The following TULP4 variants were observed in gnomAD, a reference collection of about 807,000 sequenced individuals.
The protein encoded by TULP4 is tubby-related protein 4.
TULP4 carries 16 observed loss-of-function variants against 129.0 expected under a neutral mutation model. The ratio of observed to expected loss-of-function variants is 0.12; its 90% confidence interval spans 0.08 to 0.19. The LOEUF is 0.19. Ranked by LOEUF, TULP4 falls within the 10% of genes least tolerant of loss-of-function variation. The pLI is 1.00. For missense variants in TULP4, 1,842 were observed against 2,059.1 expected (o/e 0.89, Z 2.04); for synonymous variants, 998 against 854.0 (o/e 1.17, Z -2.94).
chr6:158,352,768 A>G (rs1009810835), intron 1 of TULP4, among the ~76,000 whole-genome samples: 4 of 152,228 alleles, frequency 2.6e-5, no homozygotes, highest in African/African-American at 9.7e-5. Flanking sequence ...CTCCCCATCC[A>G]TTAAAACATT....
intron 8 of TULP4, among the ~76,000 whole-genome samples, chr6:158,488,441 G>T (rs148324520): frequency 6.6e-6 from 1 of 152,250 alleles, no homozygotes; most frequent in Non-Finnish European, 1.5e-5. Flanking sequence ...CTGATTCAGT[G>T]AGTGCTTTAA....
At chr6:158,342,024 T>G (rs1218119975) in intron 1 of TULP4, among the ~76,000 whole-genome samples, 1 of 152,226 alleles carries the variant, frequency 6.6e-6, no homozygotes, top group African/African-American at 2.4e-5. Context: ...GTTTAAGCAA[T>G]TCTCCTGCCT....
chr6:158,504,601 C>G (rs561715643), intron 13 of TULP4, among the ~76,000 whole-genome samples: 4 of 151,720 alleles, frequency 2.6e-5, no homozygotes, highest in African/African-American at 9.7e-5. Context: ...CGTGATCTGC[C>G]CGCCTTGGCC....
chr6:158,443,173 T>C (rs341121), intron 3 of TULP4, among the ~76,000 whole-genome samples: 67,646 of 151,926 alleles, frequency 0.45, 16,342 homozygotes, highest in South Asian at 0.69. Context: ...TAGTAGAGAC[T>C]GGTTTTCACC....
At chr6:158,248,426 C>T (rs376318263) in intron 1 of TULP4, among the ~76,000 whole-genome samples, 19 of 144,830 alleles carry the variant, frequency 1.3e-4, no homozygotes, top group Admixed American at 2.2e-4. Flanking sequence ...CCCGCCACCA[C>T]GCCCGGCTAA....
chr6:158,344,475 A>G (rs1780257788), intron 1 of TULP4, among the ~76,000 whole-genome samples: 2 of 152,120 alleles, frequency 1.3e-5, no homozygotes, highest in Admixed American at 6.5e-5. Context: ...TATTCACTTT[A>G]TATCTCTGTG....
intron 1 of TULP4, among the ~76,000 whole-genome samples, chr6:158,338,683 G>A (rs1780101912): frequency 6.6e-6 from 1 of 152,204 alleles, no homozygotes; most frequent in Non-Finnish European, 1.5e-5. Context: ...AGGCTAGCAG[G>A]TTGGAAGGTA....
At chr6:158,243,213 A>G (rs913307835) in intron 1 of TULP4, among the ~76,000 whole-genome samples, 1 of 152,108 alleles carries the variant, frequency 6.6e-6, no homozygotes, top group Non-Finnish European at 1.5e-5. Context: ...ACGTCCCTCC[A>G]CTTGGATTAT....
At chr6:158,506,497 C>T (rs942160658) in intron 13 of TULP4, 81 bp from the exon 14 acceptor site, 2 of 919,910 alleles carry the variant, frequency 2.2e-6, no homozygotes, top group Admixed American at 3.4e-5. Context: ...TCCCAAAGTG[C>T]TGGGACTACA....
chr6:158,369,871 T>C (rs762455248), intron 1 of TULP4, among the ~76,000 whole-genome samples: 22 of 152,124 alleles, frequency 1.4e-4, no homozygotes, highest in Non-Finnish European at 3.1e-4. Context: ...TTTTGTACCA[T>C]GTACATGAGA....
intron 1 of TULP4, among the ~76,000 whole-genome samples, chr6:158,268,022 C>CTTTTTTTT (rs1334738972): frequency 7.9e-6 from 1 of 126,484 alleles, no homozygotes; most frequent in African/African-American, 2.8e-5. Flanking sequence ...CTTTTCTTTT[C>CTTTTTTTT]TTTTTCTTTT....
intron 1 of TULP4, among the ~76,000 whole-genome samples, chr6:158,389,887 G>GATC (rs1222148085): frequency 6.6e-6 from 1 of 152,118 alleles, no homozygotes; most frequent in Non-Finnish European, 1.5e-5. Context: ...ATGGCGGGTG[G>GATC]ATCACCTGAG....
intron 2 of TULP4, 71 bp from the exon 3 acceptor site, chr6:158,429,665 A>C: frequency 8.2e-5 from 115 of 1,396,122 alleles, no homozygotes; most frequent in Non-Finnish European, 1.0e-4. Flanking sequence ...GTTAATGACT[A>C]TGTCTAGACT....
chr6:158,256,934 C>A (rs774321031), intron 1 of TULP4, among the ~76,000 whole-genome samples: 2 of 152,082 alleles, frequency 1.3e-5, no homozygotes, highest in African/African-American at 4.8e-5. Context: ...AGCCTCCTGC[C>A]AAGTTGGCAT....
chr6:158,413,175 C>A lies in TULP4; in HGVS notation c.363C>A (p.Val121=). 6.2e-7 allele frequency: 1 copy of A among 1,612,848 alleles called. No individual in the cohort carries two copies. Among genetic ancestry groups the A allele is most frequent in the South Asian group, 1.1e-5 (1 of 90,962 alleles). The stretch of plus-strand genomic sequence containing the variant: ...AGGGCAGGTGGTCTGTGGAGCTGGT[C>A]AACGACCGCGGGGCGCAGGTGAGTG... The part of the protein sequence containing the change: ...QYEGRWSVEL[V]NDRGAQVSDF... The change falls in exon 2 of 14, where the codon GTC becomes GTA. Residue 121 remains valine, a synonymous_variant. Coordinates refer to ENST00000367097, the MANE Select transcript of TULP4 (RefSeq NM_020245.5). The surrounding 1 kb of genome is among the most constrained non-coding windows in gnomAD (Gnocchi z 4.9).
At chr6:158,447,691 C>G (rs1372266216) in intron 3 of TULP4, among the ~76,000 whole-genome samples, 2 of 152,196 alleles carry the variant, frequency 1.3e-5, no homozygotes, top group African/African-American at 4.8e-5. Context: ...ACATTAAAAT[C>G]TCAAGCAAAA....
At chr6:158,333,328 T>C (rs1779955159) in intron 1 of TULP4, among the ~76,000 whole-genome samples, 1 of 152,096 alleles carries the variant, frequency 6.6e-6, no homozygotes, top group Non-Finnish European at 1.5e-5. Flanking sequence ...ATCGGAGAGC[T>C]TGCGCGAAGA....
intron 6 of TULP4, among the ~76,000 whole-genome samples, chr6:158,470,369 A>T (rs1779651587): frequency 6.6e-6 from 1 of 152,232 alleles, no homozygotes; most frequent in African/African-American, 2.4e-5. Context: ...CTCCCATACA[A>T]AGAGGGGACC....
chr6:158,377,911 G>A (rs759370925), intron 1 of TULP4, among the ~76,000 whole-genome samples: 16 of 152,206 alleles, frequency 1.1e-4, no homozygotes, highest in Non-Finnish European at 1.9e-4. Context: ...TGGGTCAGCA[G>A]TTGGCCTGGG....
Sources: gnomAD v4.1 joint callset for allele counts (sites outside exome capture counted in the v4.1 genomes callset) on GRCh38, gnomAD v4.1.1 for gene constraint, Gnocchi (gnomAD v3.1) non-coding constraint, MANE v1.5 for transcripts, NCBI Gene and HGNC (gene_info 2026-07-23, HGNC 2026-07-21) for gene names.